SPOCK1: variants seen among roughly 807,000 people sequenced by gnomAD.
The protein encoded by SPOCK1 is testican-1.
SPOCK1 carries 23 observed loss-of-function variants against 55.3 expected under a neutral mutation model. The observed-to-expected ratio is 0.42, with a 90% CI of 0.30 to 0.59. SPOCK1 has a LOEUF of 0.59. Among genes scored for constraint, SPOCK1 ranks in the 20% least tolerant of loss-of-function variants. The probability of loss-of-function intolerance (pLI) is 0.22; values close to 1 mark genes in which losing one functional copy is unlikely to be tolerated. For synonymous variants in SPOCK1, 226 were observed against 221.0 expected, an observed-to-expected ratio of 1.02 and a Z score of -0.20; for missense variants, 499 against 552.5, an observed-to-expected ratio of 0.90 and a Z score of 0.97.
chr5:137,087,486 T>G (rs1480236094), intron 5 of SPOCK1, among the ~76,000 whole-genome samples: 1 of 152,248 alleles, frequency 6.6e-6, no homozygotes, highest in Non-Finnish European at 1.5e-5. Context: ...ATTATCACCA[T>G]CATTAATACT....
chr5:137,356,343 C>T (rs923888585), intron 2 of SPOCK1, among the ~76,000 whole-genome samples: 4 of 152,102 alleles, frequency 2.6e-5, no homozygotes, highest in African/African-American at 4.8e-5. Context: ...ATTATTCACC[C>T]GCAAATTGCC....
chr5:137,446,696 T>G (rs1314158747), intron 2 of SPOCK1, among the ~76,000 whole-genome samples: 1 of 152,184 alleles, frequency 6.6e-6, no homozygotes, highest in Non-Finnish European at 1.5e-5. Flanking sequence ...CATTGTAAAT[T>G]TTTAAGTTTA....
chr5:137,035,581 C>T (rs1405637730), intron 6 of SPOCK1, among the ~76,000 whole-genome samples: 2 of 152,282 alleles, frequency 1.3e-5, no homozygotes, highest in South Asian at 2.1e-4. Context: ...GCCTGTCTGC[C>T]AGACCATCCC....
chr5:137,483,199 G>A (rs1335302383), intron 2 of SPOCK1, among the ~76,000 whole-genome samples: 1 of 152,164 alleles, frequency 6.6e-6, no homozygotes, highest in Non-Finnish European at 1.5e-5. Context: ...CAGGCGTAGT[G>A]GTAGGCACCT....
At chr5:137,111,571 A>G (rs984472185) in intron 5 of SPOCK1, among the ~76,000 whole-genome samples, 3 of 152,152 alleles carry the variant, frequency 2.0e-5, no homozygotes, top group Non-Finnish European at 2.9e-5. Context: ...GCAAACTCCT[A>G]TCAATTCTAT....
Position 137,129,530 on chromosome 5 carries a change from G to A in SPOCK1, c.347+11050C>T, listed in dbSNP as rs56260016. 2.7e-3 allele frequency among the ~76,000 whole-genome samples: 414 copies of A among 152,262 alleles called. 3 individuals are homozygous for A. The highest frequency in any genetic ancestry group is 9.2e-3 in the African/African-American group (381 of 41,544). On this transcript the variant is annotated intron_variant, in intron 4 of 10. Coordinates refer to ENST00000394945, the MANE Select transcript of SPOCK1 (RefSeq NM_004598.4). ...TTGGGTGGTCAGGGGCCTAAGGAAT[G>A]GGTGCCACTGATTGGTGGGGGATAA...
chr5:136,979,289 C>A (rs757039271), intron 10 of SPOCK1, 43 bp downstream of exon 10: 2 of 1,611,618 alleles, frequency 1.2e-6, no homozygotes, highest in Non-Finnish European at 1.7e-6. Flanking sequence ...GAACCACAGG[C>A]CACCCAGGTC....
intron 3 of SPOCK1, among the ~76,000 whole-genome samples, chr5:137,189,907 T>C (rs752970355): frequency 6.6e-6 from 1 of 151,926 alleles, no homozygotes; most frequent in Non-Finnish European, 1.5e-5. Context: ...CTAATGCTCA[T>C]GGGCGACTTT....
intron 6 of SPOCK1, among the ~76,000 whole-genome samples, chr5:136,996,133 G>A (rs961740052): frequency 6.6e-5 from 10 of 152,148 alleles, no homozygotes; most frequent in African/African-American, 2.2e-4. Context: ...GCTCATCATC[G>A]CCCCCAATAA....
At chr5:137,387,929 T>C (rs1751630008) in intron 2 of SPOCK1, among the ~76,000 whole-genome samples, 1 of 152,194 alleles carries the variant, frequency 6.6e-6, no homozygotes, top group Middle Eastern at 3.2e-3. Flanking sequence ...TAACCCCTGC[T>C]TTTGAGGATA....
intron 3 of SPOCK1, among the ~76,000 whole-genome samples, chr5:137,249,506 T>C (rs1372348561): frequency 6.6e-6 from 1 of 152,198 alleles, no homozygotes; most frequent in Non-Finnish European, 1.5e-5. Context: ...TGAATATGCA[T>C]ACATACATAC....
At chr5:137,186,290 T>C (rs1755068498) in intron 3 of SPOCK1, among the ~76,000 whole-genome samples, 1 of 152,212 alleles carries the variant, frequency 6.6e-6, no homozygotes, top group Non-Finnish European at 1.5e-5. Context: ...AGAGATATGC[T>C]AAGTTGAGCA....
At chr5:136,982,926 C>A (rs749514984) in intron 9 of SPOCK1, among the ~76,000 whole-genome samples, 1 of 152,158 alleles carries the variant, frequency 6.6e-6, no homozygotes, top group Non-Finnish European at 1.5e-5. Flanking sequence ...ATTGTAGGTT[C>A]ATAATTATTT....
intron 2 of SPOCK1, among the ~76,000 whole-genome samples, chr5:137,362,287 G>A (rs1750965495): frequency 1.3e-5 from 2 of 151,692 alleles, no homozygotes; most frequent in African/African-American, 4.8e-5. Context: ...AATAACCACT[G>A]CAGTTTACCA....
chr5:137,109,271 G>C (rs1190334205), intron 5 of SPOCK1, among the ~76,000 whole-genome samples: 1 of 152,218 alleles, frequency 6.6e-6, no homozygotes, highest in East Asian at 1.9e-4. Context: ...GCAAGGAGCT[G>C]CTAAGTCTCT....
chr5:137,274,700 G>C (rs1757029040), intron 2 of SPOCK1, among the ~76,000 whole-genome samples: 1 of 152,196 alleles, frequency 6.6e-6, no homozygotes, highest in African/African-American at 2.4e-5. Flanking sequence ...AGTGAAGGGA[G>C]ACCAATTGCA....
intron 3 of SPOCK1, among the ~76,000 whole-genome samples, chr5:137,162,518 A>T (rs1754579700): frequency 6.6e-6 from 1 of 152,100 alleles, no homozygotes; most frequent in African/African-American, 2.4e-5. Context: ...CTGCCTCGGT[A>T]GTCATTTAGC....
At chr5:137,178,415 G>A (rs149961669) in intron 3 of SPOCK1, among the ~76,000 whole-genome samples, 4 of 152,220 alleles carry the variant, frequency 2.6e-5, no homozygotes, top group Non-Finnish European at 4.4e-5. Flanking sequence ...TCACATTTTT[G>A]ATGTCTGGTA....
chr5:137,092,888 G>A (rs1179769212), intron 5 of SPOCK1, among the ~76,000 whole-genome samples: 4 of 152,114 alleles, frequency 2.6e-5, no homozygotes, highest in Non-Finnish European at 5.9e-5. Context: ...GGGTTGAGGG[G>A]GCTTATCTGC....
Sources: gnomAD v4.1 joint callset for allele counts (sites outside exome capture counted in the v4.1 genomes callset) on GRCh38, gnomAD v4.1.1 for gene constraint, MANE v1.5 for transcripts, NCBI Gene and HGNC (gene_info 2026-07-23, HGNC 2026-07-21) for gene names.